ARHGEF17: variants seen among roughly 807,000 people sequenced by gnomAD.
ARHGEF17 encodes 164 kDa Rho-specific guanine-nucleotide exchange factor.
In ARHGEF17, 80 loss-of-function variants were observed where a neutral mutation model predicts 174.0. The observed-to-expected ratio is 0.46, with a 90% CI of 0.38 to 0.55. The LOEUF (loss-of-function observed/expected upper bound fraction) is 0.55. Among genes scored for constraint, ARHGEF17 ranks in the 20% least tolerant of loss-of-function variants. ARHGEF17 has a pLI of 0.00. For missense variants in ARHGEF17, 2,886 were observed against 2,839.7 expected (o/e 1.02, Z -0.37); for synonymous variants, 1,311 against 1,189.1 (o/e 1.10, Z -2.11).
At chr11:73,326,834 G>T (rs1460875909) in intron 1 of ARHGEF17, among the ~76,000 whole-genome samples, 9 of 152,234 alleles carry the variant, frequency 5.9e-5, no homozygotes, top group Admixed American at 4.6e-4. Context: ...TTAAGTGAAA[G>T]TAGGGTCATG....
chr11:73,325,646 C>T (rs1268016789), intron 1 of ARHGEF17, among the ~76,000 whole-genome samples: 1 of 152,256 alleles, frequency 6.6e-6, no homozygotes, highest in African/African-American at 2.4e-5. Context: ...GAGGACCGAG[C>T]CTGAGACCTT....
Position 73,362,442 on chromosome 11 carries a change from T to C in ARHGEF17, c.4704T>C (p.Pro1568=). Residue 1568 remains proline (P), a synonymous_variant, in exon 14 of 21, where the codon CCT becomes CCC. Coordinates refer to ENST00000263674, the MANE Select transcript of ARHGEF17 (RefSeq NM_014786.4). Reference sequence around the variant, plus strand: ...CTCCGTCTTCTCGCAGGGAGCCTCCTCCGTCGCTGAGGAGTCCTCCAGAGA... The same window carrying C: ...CTCCGTCTTCTCGCAGGGAGCCTCCCCCGTCGCTGAGGAGTCCTCCAGAGA... The part of the protein sequence containing the change: ...GLQPRCHREP[P]PSLRSPPETA... 1.3e-6 allele frequency: 2 copies of C among 1,561,272 alleles called. No homozygotes were observed. Among genetic ancestry groups the C allele is most frequent in the Non-Finnish European group, 1.7e-6 (2 of 1,158,224 alleles).
intron 1 of ARHGEF17, among the ~76,000 whole-genome samples, chr11:73,341,318 T>A (rs1427193855): frequency 6.6e-6 from 1 of 152,002 alleles, no homozygotes; most frequent in African/African-American, 2.4e-5. Context: ...GAGATGGAGT[T>A]TCGCTGTTGT....
In ARHGEF17 at chr11:73,362,095, G is replaced by A; in HGVS notation, c.4550G>A (p.Trp1517Ter). 1 of 1,612,794 alleles carries A rather than the reference G, an allele frequency of 6.2e-7. No homozygotes were observed. ...NSCPEPSPEV[W>*]VCNSDGYVGQ... ...TGCCCGGAGCCCTCGCCTGAGGTATGGGTCTGCAACAGCGACGGCTACGTG... is the reference window on the plus strand; with the variant it reads ...TGCCCGGAGCCCTCGCCTGAGGTATAGGTCTGCAACAGCGACGGCTACGTG... Residue 1517 changes from tryptophan (W) to a stop codon, truncating the protein, a stop_gained, in exon 13 of 21, where the codon TGG becomes TAG. Transcript: ENST00000263674. LOFTEE classifies it high-confidence loss of function.
In ARHGEF17 at chr11:73,309,078, C is replaced by T. The variant is rs1226836790; in HGVS notation, c.440C>T (p.Ser147Phe). 3 of 1,528,342 alleles carry T rather than the reference C, an allele frequency of 2.0e-6. No individual in the cohort carries two copies. Among genetic ancestry groups the T allele is most frequent in the East Asian group, 2.7e-5 (1 of 37,488 alleles). The allele number at this position is 1,528,342 out of a possible 1,614,324, so 94.7% of individuals were successfully genotyped here. Residue 147 changes from serine (S) to phenylalanine (F), a missense_variant, in exon 1 of 21, where the codon TCC (serine) becomes TTC (phenylalanine). Ser to Phe is a radical substitution (Grantham distance 155). Coordinates refer to ENST00000263674, the MANE Select transcript of ARHGEF17 (RefSeq NM_014786.4). ...AGGAGGCCCAGCGCCGACTCTGAAT[C>T]CCCAGGAACGCCCAGCCCCGACGGT... ...GSRRPSADSE[S>F]PGTPSPDGAA...
At chr11:73,344,543 G>A (rs1865429565) in intron 1 of ARHGEF17, among the ~76,000 whole-genome samples, 1 of 152,224 alleles carries the variant, frequency 6.6e-6, no homozygotes, top group Admixed American at 6.5e-5. Context: ...TGTGGGCGGG[G>A]GAGTGTGGCT....
Position 73,362,710 on chromosome 11 carries a change from T to A in ARHGEF17, c.4972T>A (p.Ser1658Thr). 1 of 1,604,998 alleles carries A rather than the reference T, an allele frequency of 6.2e-7. No individual in the cohort carries two copies. Among genetic ancestry groups the A allele is most frequent in the Non-Finnish European group, 8.5e-7 (1 of 1,176,996 alleles). The change falls in exon 14 of 21, where the codon TCC becomes ACC. Residue 1658 changes from serine (S) to threonine (T), a missense_variant. By Grantham distance (58) the Ser-to-Thr change is moderately conservative. Coordinates refer to ENST00000263674, the MANE Select transcript of ARHGEF17 (RefSeq NM_014786.4). ...GACGCTGCAGAGCCAGGCCAGCCGGTCCACCATCTCCTCCAGCTTTGGCAG... is the reference window on the plus strand; with the variant it reads ...GACGCTGCAGAGCCAGGCCAGCCGGACCACCATCTCCTCCAGCTTTGGCAG... ...SGTLQSQASR[S>T]TISSSFGNEE... is the part of the protein sequence containing the mutation.
intron 2 of ARHGEF17, among the ~76,000 whole-genome samples, chr11:73,351,407 A>G (rs1017078094): frequency 6.6e-6 from 1 of 152,178 alleles, no homozygotes; most frequent in Non-Finnish European, 1.5e-5. Flanking sequence ...GAGCTGGGCT[A>G]TTAAAGCTAG....
intron 1 of ARHGEF17, among the ~76,000 whole-genome samples, chr11:73,335,676 A>T (rs538497486): frequency 9.9e-5 from 15 of 152,272 alleles, no homozygotes; most frequent in African/African-American, 3.1e-4. Flanking sequence ...TTGGGGCTTC[A>T]GCTTCCTCAC....
chr11:73,367,367 C>T (rs372163771), intron 20 of ARHGEF17, among the ~76,000 whole-genome samples: 11 of 152,310 alleles, frequency 7.2e-5, no homozygotes, highest in African/African-American at 2.6e-4. Context: ...TTATGTGACT[C>T]CTGACTAGAG....
chr11:73,308,810 G>T lies in ARHGEF17; in HGVS notation c.172G>T (p.Val58Leu). ...TGCCCGGGGCCAGCCCTCTCGGCGC[G>T]TGTCCAAGCTGGCGTCTGGGCCCCT... The part of the protein sequence containing the change: ...TAARGQPSRR[V>L]SKLASGPLAA... The change falls in exon 1 of 21, where the codon GTG becomes TTG. Residue 58 changes from valine to leucine, a missense_variant. Physicochemically the swap from Val to Leu is conservative, Grantham distance 32. This residue lies in a region of ARHGEF17 where 1,728 missense variants were observed against 1,461.2 expected (regional missense o/e 1.18). Transcript: ENST00000263674. The T allele has an allele frequency of 1.5e-6, 2 of 1,353,920 alleles. No individual in the cohort carries two copies. The highest frequency in any genetic ancestry group is 3.6e-5 in the South Asian group (2 of 55,676). The allele number at this position is 1,353,920 out of a possible 1,614,324, so 83.9% of individuals were successfully genotyped here.
chr11:73,363,605 C>T, intron 15 of ARHGEF17, 142 bp from the exon 16 acceptor site: 2 of 1,494,550 alleles, frequency 1.3e-6, no homozygotes, highest in South Asian at 1.3e-5. Context: ...GTCTGACAAT[C>T]CCAGGGAGGC....
intron 2 of ARHGEF17, chr11:73,347,265 G>A: frequency 2.1e-6 from 1 of 486,860 alleles, no homozygotes; most frequent in Middle Eastern, 3.1e-4. Flanking sequence ...TCCCTCTGAT[G>A]TGCCGCCTCC....
At chr11:73,323,505 G>A (rs1456945523) in intron 1 of ARHGEF17, among the ~76,000 whole-genome samples, 1 of 152,226 alleles carries the variant, frequency 6.6e-6, no homozygotes, top group Non-Finnish European at 1.5e-5. Flanking sequence ...CCGCAGCCCT[G>A]GAGGCCTTCC....
chr11:73,321,790 A>T lies in ARHGEF17; in HGVS notation c.3192+9960A>T, dbSNP rs117446197. On this transcript the variant is annotated intron_variant, in intron 1 of 20. Transcript: ENST00000263674. Reference sequence around the variant, plus strand: ...GAGATTGTGACTTCTTGGTTCTGACATCCTGTGATCCTGAGACTCTGGGGT... The same window carrying T: ...GAGATTGTGACTTCTTGGTTCTGACTTCCTGTGATCCTGAGACTCTGGGGT... 9.7e-4 allele frequency among the ~76,000 whole-genome samples: 147 copies of T among 152,298 alleles called. 1 individual carries two copies. The highest frequency in any genetic ancestry group is 1.5e-3 in the Non-Finnish European group (104 of 68,020).
intron 1 of ARHGEF17, among the ~76,000 whole-genome samples, chr11:73,340,801 G>C (rs1444605609): frequency 6.6e-6 from 1 of 152,224 alleles, no homozygotes; most frequent in Non-Finnish European, 1.5e-5. Flanking sequence ...TGGATCACAG[G>C]CCTGTCCATC....
At chr11:73,348,234 A>G (rs138843038) in intron 2 of ARHGEF17, among the ~76,000 whole-genome samples, 2 of 152,100 alleles carry the variant, frequency 1.3e-5, no homozygotes, top group Non-Finnish European at 2.9e-5. Flanking sequence ...TCATTCATTC[A>G]CTCACTCCAC....
Position 73,332,349 on chromosome 11 carries a change from CCGTGTG to C in ARHGEF17, c.3193-14533_3193-14528del, listed in dbSNP as rs1179671984. ...GTATATTTCCCTCCAGGCTTTTTCT[CCGTGTG>C]TGTGTGTGTGTGTGTGTGTGTGTGT... On this transcript the variant is annotated intron_variant, in intron 1 of 20. Coordinates refer to ENST00000263674, the MANE Select transcript of ARHGEF17 (RefSeq NM_014786.4). Among the ~76,000 whole-genome samples the C allele has an allele frequency of 5.7e-3, 649 of 114,342 alleles. 7 individuals carry two copies. The highest frequency in any genetic ancestry group is 0.021 in the African/African-American group (621 of 29,152). The allele number at this position is 114,342 out of a possible 152,430, so 75.0% of individuals were successfully genotyped here.
At chr11:73,316,485 G>A (rs538948623) in intron 1 of ARHGEF17, among the ~76,000 whole-genome samples, 10 of 152,218 alleles carry the variant, frequency 6.6e-5, no homozygotes, top group Non-Finnish European at 1.3e-4. Flanking sequence ...GACAGGGTGG[G>A]GTACTTTAGA....
Sources: allele counts gnomAD v4.1 joint callset (sites outside exome capture counted in the v4.1 genomes callset), GRCh38; gene constraint gnomAD v4.1.1; regional missense constraint gnomAD v4.1.1; transcripts MANE v1.5; gene names NCBI Gene and HGNC (gene_info 2026-07-23, HGNC 2026-07-21).